The following DPP6 variants were observed in gnomAD, a reference collection of about 807,000 sequenced individuals.
The protein encoded by DPP6 is dipeptidyl peptidase like 6, also known as A-type potassium channel modulatory protein DPP6.
A neutral mutation model predicts 122.6 loss-of-function variants in DPP6; 69 were observed. The observed-to-expected ratio is 0.56, with a 90% CI of 0.46 to 0.69. The LOEUF (loss-of-function observed/expected upper bound fraction) is 0.69. Among genes scored for constraint, DPP6 ranks in the 30% least tolerant of loss-of-function variants. The pLI is 0.00. For synonymous variants in DPP6, 418 were observed against 433.1 expected (o/e 0.97, Z 0.43); for missense variants, 928 against 1,116.9 (o/e 0.83, Z 2.41).
chr7:154,570,409 G>A (rs563397571), intron 5 of DPP6, among the ~76,000 whole-genome samples: 2 of 151,806 alleles, frequency 1.3e-5, no homozygotes, highest in Non-Finnish European at 2.9e-5. Flanking sequence ...TCAAAGACAG[G>A]GACAGGTCTT....
intron 3 of DPP6, among the ~76,000 whole-genome samples, chr7:154,477,232 CACCACCCACCACCATG>C (rs1563732079): frequency 6.6e-6 from 1 of 152,086 alleles, no homozygotes; most frequent in Admixed American, 6.6e-5. Context: ...ATGGGAGTCA[CACCACCCACCACCATG>C]ATCTCCCACC....
At chr7:153,940,838 G>A (rs751229167) in intron 1 of DPP6, among the ~76,000 whole-genome samples, 8 of 152,094 alleles carry the variant, frequency 5.3e-5, no homozygotes, top group Non-Finnish European at 8.8e-5. Context: ...CGGTGTGTTC[G>A]CCAAGCATAT....
At position 154,892,369 on chromosome 7, in the gene DPP6, C is replaced by A; in HGVS notation, c.2487C>A (p.Ser829=). The change falls in exon 26 of 26, where the codon TCC becomes TCA. Residue 829 remains serine, a synonymous_variant. Coordinates refer to ENST00000377770, the MANE Select transcript of DPP6 (RefSeq NM_130797.4). ...ACGAAAGCCATTACTTTACCAGCTCCAGCCTCAAACAGCATCTGTACCGGT... is the reference window on the plus strand; with the variant it reads ...ACGAAAGCCATTACTTTACCAGCTCAAGCCTCAAACAGCATCTGTACCGGT... The part of the protein sequence containing the change: ...YPDESHYFTS[S]SLKQHLYRSI... 3.1e-6 allele frequency: 5 copies of A among 1,614,042 alleles called. No individual in the cohort carries two copies. Among genetic ancestry groups the A allele is most frequent in the Non-Finnish European group, 4.2e-6 (5 of 1,179,904 alleles).
the DPP6 span, among the ~76,000 whole-genome samples, chr7:153,840,489 A>T: frequency 2.5e-4 from 25 of 101,764 alleles, no homozygotes; most frequent in South Asian, 3.4e-3. Context: ...ATAAAGAATT[A>T]AAAAAAAAAC....
intron 1 of DPP6, among the ~76,000 whole-genome samples, chr7:154,287,632 G>T (rs1257384401): frequency 6.6e-6 from 1 of 152,222 alleles, no homozygotes; most frequent in East Asian, 1.9e-4. Context: ...AGGACTCGGT[G>T]TGTTCCCCAC....
At chr7:154,336,710 GGAA>G (rs1454520290) in intron 1 of DPP6, among the ~76,000 whole-genome samples, 1 of 152,212 alleles carries the variant, frequency 6.6e-6, no homozygotes, top group Non-Finnish European at 1.5e-5. Context: ...GAAGCAGCAT[GGAA>G]GCGGCTTGGG....
chr7:154,572,788 G>A (rs997151902), intron 5 of DPP6, among the ~76,000 whole-genome samples: 12 of 150,362 alleles, frequency 8.0e-5, no homozygotes, highest in African/African-American at 2.4e-4. Context: ...CAAGTGATTC[G>A]CCTCCCTCAG....
chr7:154,248,856 A>G (rs544732338), intron 1 of DPP6, among the ~76,000 whole-genome samples: 1 of 151,236 alleles, frequency 6.6e-6, no homozygotes, highest in East Asian at 1.9e-4. Context: ...ACAGAGGGAG[A>G]CTCCGTCTCA....
At chr7:154,679,666 A>G (rs1406521062) in intron 7 of DPP6, among the ~76,000 whole-genome samples, 2 of 152,214 alleles carry the variant, frequency 1.3e-5, no homozygotes, top group Non-Finnish European at 2.9e-5. Flanking sequence ...GAAATGTCCT[A>G]TATGTGGAGA....
At chr7:154,540,003 A>G (rs1586577871) in intron 3 of DPP6, among the ~76,000 whole-genome samples, 1 of 152,182 alleles carries the variant, frequency 6.6e-6, no homozygotes, top group East Asian at 1.9e-4. Flanking sequence ...TTGGTTGTTC[A>G]TCTACAAGAG....
intron 1 of DPP6, among the ~76,000 whole-genome samples, chr7:154,122,100 G>A (rs539422629): frequency 3.3e-5 from 5 of 152,316 alleles, no homozygotes; most frequent in African/African-American, 1.2e-4. Context: ...GAAGGACACA[G>A]CTTTAGAAAC....
At chr7:154,076,317 G>A (rs145113841) in intron 1 of DPP6, among the ~76,000 whole-genome samples, 1 of 152,104 alleles carries the variant, frequency 6.6e-6, no homozygotes, top group African/African-American at 2.4e-5. Context: ...ATGCACAGTG[G>A]CGGGTGCCTG....
At chr7:153,852,608 G>T in the DPP6 span, among the ~76,000 whole-genome samples, 1 of 152,052 alleles carries the variant, frequency 6.6e-6, no homozygotes, top group African/African-American at 2.4e-5. Context: ...GGAGATTTTG[G>T]CAGGGACACA....
intron 5 of DPP6, among the ~76,000 whole-genome samples, chr7:154,573,853 G>A (rs1831284200): frequency 1.3e-5 from 2 of 152,244 alleles, no homozygotes; most frequent in African/African-American, 4.8e-5. Context: ...TAATGCTGAT[G>A]TGGGCTCCTG....
At chr7:153,965,277 ATAT>A (rs796595410) in intron 1 of DPP6, among the ~76,000 whole-genome samples, 11 of 152,124 alleles carry the variant, frequency 7.2e-5, no homozygotes, top group African/African-American at 2.4e-4. Context: ...AGTCTAGATA[ATAT>A]TATGGTGTCT....
In DPP6 at chr7:154,411,020, T is replaced by A. The variant is rs185450650; in HGVS notation, c.244-35194T>A. On this transcript the variant is annotated intron_variant, in intron 1 of 25. Transcript: ENST00000377770. ...TTCCCTGCCCCAACTCCGTGAAAAA[T>A]TTCCATTACATCAGATACTTCTAGG... Among the ~76,000 whole-genome samples the A allele has an allele frequency of 2.6e-5, 4 of 152,228 alleles. No individual in the cohort carries two copies. The East Asian group carries it at 7.7e-4, about 29-fold the overall frequency.
intron 1 of DPP6, among the ~76,000 whole-genome samples, chr7:154,420,111 C>T (rs1014300113): frequency 2.6e-5 from 4 of 152,128 alleles, no homozygotes; most frequent in Non-Finnish European, 5.9e-5. Context: ...CTGAGGCAGG[C>T]GGACCACCTG....
At chr7:153,984,989 G>A (rs951454159) in intron 1 of DPP6, among the ~76,000 whole-genome samples, 6 of 152,290 alleles carry the variant, frequency 3.9e-5, no homozygotes, top group African/African-American at 1.4e-4. Flanking sequence ...AGCTAGAATG[G>A]TCCTTCATTT....
At chr7:154,224,907 C>T (rs1469052375) in intron 1 of DPP6, among the ~76,000 whole-genome samples, 3 of 152,156 alleles carry the variant, frequency 2.0e-5, no homozygotes, top group Non-Finnish European at 2.9e-5. Flanking sequence ...CTTTGGGAGG[C>T]AGAGGCGGGC....
Sources: allele counts gnomAD v4.1 joint callset (sites outside exome capture counted in the v4.1 genomes callset), GRCh38; gene constraint gnomAD v4.1.1; transcripts MANE v1.5; gene names NCBI Gene and HGNC (gene_info 2026-07-23, HGNC 2026-07-21).